Variants in KCNQ1 observed in about 807,000 individuals in gnomAD.
The protein encoded by KCNQ1 is potassium voltage-gated channel subfamily KQT member 1.
KCNQ1 carries 49 observed loss-of-function variants against 72.4 expected under a neutral mutation model. The observed-to-expected ratio is 0.68, with a 90% CI of 0.54 to 0.86. The LOEUF (loss-of-function observed/expected upper bound fraction) is 0.86. Among genes scored for constraint, KCNQ1 ranks in the 40% least tolerant of loss-of-function variants. The pLI is 0.00. For missense variants in KCNQ1, 790 were observed against 945.1 expected, an observed-to-expected ratio of 0.84 and a Z score of 2.15; for synonymous variants, 450 against 412.6, an observed-to-expected ratio of 1.09 and a Z score of -1.10.
At chr11:2,779,271 T>G (rs911251947) in intron 15 of KCNQ1, among the ~76,000 whole-genome samples, 3 of 152,216 alleles carry the variant, frequency 2.0e-5, no homozygotes, top group Non-Finnish European at 4.4e-5. Context: ...GCCTCTCTGC[T>G]GCCCGGGGAA....
At position 2,652,035 on chromosome 11, in the gene KCNQ1, G is replaced by A; in HGVS notation, c.1394-9926G>A. The A allele has an allele frequency of 2.5e-6, 1 of 398,656 alleles. No individual in the cohort carries two copies. The highest frequency in any genetic ancestry group is 4.4e-6 in the Non-Finnish European group (1 of 226,094). The allele number at this position is 398,656 out of a possible 1,614,324, so 24.7% of individuals were successfully genotyped here. Reference sequence around the variant, plus strand: ...GATGTTGAGCCTCCCCCCAGTTCTGGGGTGGCTCTGACTGTGTCCAGGCTC... The same window carrying A: ...GATGTTGAGCCTCCCCCCAGTTCTGAGGTGGCTCTGACTGTGTCCAGGCTC... On this transcript the variant is annotated intron_variant, in intron 10 of 15. Transcript: ENST00000155840. This position sits in a 1 kb window ranked among gnomAD's most constrained non-coding sequence, Gnocchi z 5.9.
In KCNQ1 at chr11:2,752,714, G is replaced by A. The variant is rs2237879; in HGVS notation, c.1515-16130G>A. On this transcript the variant is annotated intron_variant, in intron 11 of 15. Coordinates refer to ENST00000155840, the MANE Select transcript of KCNQ1 (RefSeq NM_000218.3). This position sits in a 1 kb window ranked among gnomAD's most constrained non-coding sequence, Gnocchi z 5.2. ...CACGGCCGAATCACCTCTCAAATGC[G>A]CCATCTCCTAACACCATCAGGGCTG... is the stretch of plus-strand genomic sequence containing the variant. 1.1e-4 allele frequency among the ~76,000 whole-genome samples: 16 copies of A among 152,104 alleles called. No individual in the cohort carries two copies. Among genetic ancestry groups the A allele is most frequent in the African/African-American group, 3.9e-4 (16 of 41,482 alleles).
rs962275512 is a variant in KCNQ1, at chr11:2,508,301, C to T, written c.387-19627C>T. ...GCTTGTCTGACTTGCCGTTACCCGG[C>T]GGAGATATGTCTTGGAAAGACTTTA... is the stretch of plus-strand genomic sequence containing the variant. On this transcript the variant is annotated intron_variant, in intron 1 of 15. Coordinates refer to ENST00000155840, the MANE Select transcript of KCNQ1 (RefSeq NM_000218.3). This position sits in a 1 kb window ranked among gnomAD's most constrained non-coding sequence, Gnocchi z 6.2. Among the ~76,000 whole-genome samples, 2 of 152,196 alleles carry T rather than the reference C, an allele frequency of 1.3e-5. No individual in the cohort carries two copies. Among genetic ancestry groups the T allele is most frequent in the Non-Finnish European group, 1.5e-5 (1 of 68,032 alleles).
rs1849688227 is a variant in KCNQ1, at chr11:2,647,750, C to G, written c.1394-14211C>G. The G allele has an allele frequency of 2.5e-6, 1 of 398,238 alleles. No individual in the cohort carries two copies. The highest frequency in any genetic ancestry group is 4.4e-5 in the Admixed American group (1 of 22,698). 24.7% of individuals were successfully genotyped at this position (398,238 alleles called of 1,614,324 possible). A position where few individuals can be genotyped will look rare whatever the true frequency, so the allele number is the denominator to read the frequency against. On this transcript the variant is annotated intron_variant, in intron 10 of 15. Coordinates refer to ENST00000155840, the MANE Select transcript of KCNQ1 (RefSeq NM_000218.3). This position sits in a 1 kb window ranked among gnomAD's most constrained non-coding sequence, Gnocchi z 4.0. ...GTTATATATGTCCAGGAATTTATCT[C>G]TTTCCTCTAGGTTTTCTAATTGTTG...
chr11:2,699,968 G>T (rs1590040604), intron 11 of KCNQ1: 1 of 398,362 alleles, frequency 2.5e-6, no homozygotes, highest in East Asian at 3.6e-5. Flanking sequence ...CTGGAGGTCC[G>T]TGCTGAGGCG....
chr11:2,671,805 A>G lies in KCNQ1; in HGVS notation c.1514+9724A>G, dbSNP rs193239171. 4.1e-3 allele frequency: 1,624 copies of G among 398,712 alleles called. 8 individuals carry two copies. Among genetic ancestry groups the G allele is most frequent in the Middle Eastern group, 0.026 (42 of 1,588 alleles). The allele number at this position is 398,712 out of a possible 1,614,324, so 24.7% of individuals were successfully genotyped here. On this transcript the variant is annotated intron_variant, in intron 11 of 15. Coordinates refer to ENST00000155840, the MANE Select transcript of KCNQ1 (RefSeq NM_000218.3). This position sits in a 1 kb window ranked among gnomAD's most constrained non-coding sequence, Gnocchi z 4.7. ...GACCCAGTCAGGGTTCTTCCCCCAA[A>G]TAAATCCCTGCAACCCCACTGTGGT...
rs1466693386 is a variant in KCNQ1, at chr11:2,712,176, G to C, written c.1514+50095G>C. ...TGTGCTTGCATCTCATTTAAGCCAT[G>C]AACACTTGCCGGCTCTCTATTCATC... On this transcript the variant is annotated intron_variant, in intron 11 of 15. Coordinates refer to ENST00000155840, the MANE Select transcript of KCNQ1 (RefSeq NM_000218.3). The surrounding 1 kb of genome is among the most constrained non-coding windows in gnomAD (Gnocchi z 6.4). 1.3e-5 allele frequency among the ~76,000 whole-genome samples: 2 copies of C among 152,166 alleles called. No individual in the cohort carries two copies. Among genetic ancestry groups the C allele is most frequent in the Non-Finnish European group, 2.9e-5 (2 of 68,022 alleles).
At chr11:2,586,040 A>C (rs903322448) in intron 8 of KCNQ1, among the ~76,000 whole-genome samples, 1 of 152,222 alleles carries the variant, frequency 6.6e-6, no homozygotes, top group Non-Finnish European at 1.5e-5. Flanking sequence ...TGGCCACTGC[A>C]GGGCCAGGGC....
intron 10 of KCNQ1, chr11:2,630,200 A>G (rs1849330898): frequency 2.5e-6 from 1 of 398,298 alleles, no homozygotes; most frequent in Non-Finnish European, 4.4e-6. Flanking sequence ...CTTTGATTTT[A>G]TTAAAGTATC....
chr11:2,551,753 A>G (rs1425672161), intron 2 of KCNQ1, among the ~76,000 whole-genome samples: 2 of 152,212 alleles, frequency 1.3e-5, no homozygotes, highest in Admixed American at 1.3e-4. Flanking sequence ...ATGGATTCTC[A>G]CCAGCACTTA....
intron 10 of KCNQ1, chr11:2,614,707 TTC>T (rs1589982402): frequency 5.0e-6 from 2 of 398,478 alleles, no homozygotes; most frequent in East Asian, 7.1e-5. Flanking sequence ...TATTTCTACA[TTC>T]TCTATTATAT....
In KCNQ1 at chr11:2,752,561, T is replaced by C. The variant is rs1263455269; in HGVS notation, c.1515-16283T>C. On this transcript the variant is annotated intron_variant, in intron 11 of 15. Coordinates refer to ENST00000155840, the MANE Select transcript of KCNQ1 (RefSeq NM_000218.3). This position sits in a 1 kb window ranked among gnomAD's most constrained non-coding sequence, Gnocchi z 5.2. ...AGCAGATCTGGTGTCTGGTAAGGGG[T>C]CTGTCTGATTCATGGAAGTCAGCGG... Among the ~76,000 whole-genome samples, 1 of 152,020 alleles carries C rather than the reference T, an allele frequency of 6.6e-6. No homozygotes were observed. Among genetic ancestry groups the C allele is most frequent in the East Asian group, 1.9e-4 (1 of 5,188 alleles).
rs1316801486 is a variant in KCNQ1, at chr11:2,462,275, G to GT, written c.386+16792dup. 6.6e-6 allele frequency among the ~76,000 whole-genome samples: 1 copy of GT among 152,192 alleles called. No homozygotes were observed. The highest frequency in any genetic ancestry group is 1.5e-5 in the Non-Finnish European group (1 of 68,030). On this transcript the variant is annotated intron_variant, in intron 1 of 15. Coordinates refer to ENST00000155840, the MANE Select transcript of KCNQ1 (RefSeq NM_000218.3). The surrounding 1 kb of genome is among the most constrained non-coding windows in gnomAD (Gnocchi z 8.2). ...AAGGTAGACAGGCCTCTGGACTTGA[G>GT]TGTGGCTGTGGACGAGGGCAGCGTC...
rs898616945 is a variant in KCNQ1 at position 2,562,161 on chromosome 11, C to T, written c.478-8467C>T. 2.1e-5 allele frequency among the ~76,000 whole-genome samples: 3 copies of T among 141,554 alleles called. No individual in the cohort carries two copies. The highest frequency in any genetic ancestry group is 7.9e-5 in the African/African-American group (3 of 37,874). The allele number at this position is 141,554 out of a possible 152,430, so 92.9% of individuals were successfully genotyped here. Reference sequence around the variant, plus strand: ...GGCCTGGCCGGCTGCACTGTGGCGCCTGCCCCAGGCCAGGCTACCTTGGGC... The same window carrying T: ...GGCCTGGCCGGCTGCACTGTGGCGCTTGCCCCAGGCCAGGCTACCTTGGGC... On this transcript the variant is annotated intron_variant, in intron 2 of 15. Transcript: ENST00000155840. This position sits in a 1 kb window ranked among gnomAD's most constrained non-coding sequence, Gnocchi z 7.5.
rs571210238 is a variant in KCNQ1, at chr11:2,544,200, C to T, written c.477+16182C>T. Reference sequence around the variant, plus strand: ...TTGATGTCTTAACCAATATTGAATCCTCTGATCAATGAGATTATCTATCTC... The same window carrying T: ...TTGATGTCTTAACCAATATTGAATCTTCTGATCAATGAGATTATCTATCTC... On this transcript the variant is annotated intron_variant, in intron 2 of 15. Transcript: ENST00000155840. The surrounding 1 kb of genome is among the most constrained non-coding windows in gnomAD (Gnocchi z 4.4). Among the ~76,000 whole-genome samples, 1 of 151,246 alleles carries T rather than the reference C, an allele frequency of 6.6e-6. No individual in the cohort carries two copies. The highest frequency in any genetic ancestry group is 1.5e-5 in the Non-Finnish European group (1 of 67,904).
rs1264138888 is a variant in KCNQ1 at position 2,746,663 on chromosome 11, C to T, written c.1515-22181C>T. Among the ~76,000 whole-genome samples, 1 of 152,218 alleles carries T rather than the reference C, an allele frequency of 6.6e-6. No homozygotes were observed. The highest frequency in any genetic ancestry group is 1.5e-5 in the Non-Finnish European group (1 of 68,032). On this transcript the variant is annotated intron_variant, in intron 11 of 15. Transcript: ENST00000155840. The surrounding 1 kb of genome is among the most constrained non-coding windows in gnomAD (Gnocchi z 5.9). ...CAGAGGGAAATGCCCTTCTCATCGC[C>T]CTGTTCCGAGGGCCCATCCTGTCGG... is the stretch of plus-strand genomic sequence containing the variant.
intron 10 of KCNQ1, chr11:2,619,146 C>A (rs1849120372): frequency 2.5e-6 from 1 of 398,308 alleles, no homozygotes. Flanking sequence ...CTTCTTACTT[C>A]CTGATTTGAA....
At chr11:2,700,305 G>A (rs1040428787) in intron 11 of KCNQ1, among the ~76,000 whole-genome samples, 3 of 152,122 alleles carry the variant, frequency 2.0e-5, no homozygotes, top group African/African-American at 4.8e-5. Context: ...CGGGGCCAGC[G>A]CCAGCCTCAG....
At chr11:2,844,005 C>T (rs939469163) in intron 15 of KCNQ1, among the ~76,000 whole-genome samples, 2 of 152,202 alleles carry the variant, frequency 1.3e-5, no homozygotes, top group African/African-American at 2.4e-5. Flanking sequence ...GCACTGCCTT[C>T]CCCCAGGGCG....
Sources: allele counts gnomAD v4.1 joint callset (sites outside exome capture counted in the v4.1 genomes callset), GRCh38; gene constraint gnomAD v4.1.1; non-coding constraint Gnocchi (gnomAD v3.1); transcripts MANE v1.5; gene names NCBI Gene and HGNC (gene_info 2026-07-23, HGNC 2026-07-21).